The following NAV3 variants were observed in gnomAD, a reference collection of about 807,000 sequenced individuals.
NAV3 encodes neuron navigator 3.
A neutral mutation model predicts 244.7 loss-of-function variants in NAV3; 87 were observed. The observed-to-expected ratio is 0.36, with a 90% CI of 0.30 to 0.42. NAV3 has a LOEUF of 0.42. Ranked by LOEUF, NAV3 falls within the 20% of genes least tolerant of loss-of-function variation. The pLI, the probability that NAV3 is intolerant of heterozygous loss-of-function variation, is 1.00. For missense variants in NAV3, 2,663 were observed against 2,893.3 expected (o/e 0.92, Z 1.83); for synonymous variants, 1,126 against 1,042.2 (o/e 1.08, Z -1.55).
intron 2 of NAV3, among the ~76,000 whole-genome samples, chr12:77,579,895 C>T (rs1869271112): frequency 6.6e-6 from 1 of 152,188 alleles, no homozygotes; most frequent in Admixed American, 6.5e-5. Flanking sequence ...CCAGTTTTCT[C>T]ATTTGTGTTA....
intron 12 of NAV3, among the ~76,000 whole-genome samples, chr12:78,061,878 C>G (rs1437361206): frequency 1.3e-5 from 2 of 151,936 alleles, no homozygotes; most frequent in Non-Finnish European, 1.5e-5. Context: ...TTGTCTTAAC[C>G]TTTTAATCCT....
At chr12:78,071,433 C>G (rs1446281802) in intron 12 of NAV3, among the ~76,000 whole-genome samples, 1 of 151,600 alleles carries the variant, frequency 6.6e-6, no homozygotes, top group Non-Finnish European at 1.5e-5. Context: ...TGTTTGAGTT[C>G]ATTGTAGATT....
intron 2 of NAV3, among the ~76,000 whole-genome samples, chr12:77,809,859 C>T (rs1872194033): frequency 1.3e-5 from 2 of 152,044 alleles, no homozygotes; most frequent in African/African-American, 4.8e-5. Flanking sequence ...ATCAGTTTGA[C>T]CTTAGTGTTT....
At chr12:78,021,501 G>A (rs1173377237) in intron 8 of NAV3, among the ~76,000 whole-genome samples, 1 of 152,008 alleles carries the variant, frequency 6.6e-6, no homozygotes, top group African/African-American at 2.4e-5. Context: ...TCAACTATTG[G>A]TAGTTATAAG....
intron 2 of NAV3, among the ~76,000 whole-genome samples, chr12:77,741,129 G>C (rs375710693): frequency 8.6e-3 from 234 of 27,068 alleles, no homozygotes; most frequent in African/African-American, 0.024. Context: ...TTTAGAAATA[G>C]TCAAAGAAAA....
chr12:78,082,250 G>T lies in NAV3; in HGVS notation c.2636+23135G>T, dbSNP rs138916207. On this transcript the variant is annotated intron_variant, in intron 12 of 39. Coordinates refer to ENST00000397909, the MANE Select transcript of NAV3 (RefSeq NM_001024383.2). ...ACTTCTTTCCTTTATAAATTACCCA[G>T]TCTCAGGTATGTCTTTATGAGCAGC... 2.3e-3 allele frequency among the ~76,000 whole-genome samples: 348 copies of T among 152,276 alleles called. 2 individuals carry two copies. Among genetic ancestry groups the T allele is most frequent in the African/African-American group, 7.6e-3 (314 of 41,558 alleles).
At chr12:77,878,683 C>A (rs867131836) in intron 1 of NAV3, among the ~76,000 whole-genome samples, 270 of 145,860 alleles carry the variant, frequency 1.9e-3, no homozygotes, top group African/African-American at 6.2e-3. Flanking sequence ...AAAAAAAAAA[C>A]AAGGTCTTTT....
intron 2 of NAV3, among the ~76,000 whole-genome samples, chr12:77,733,806 T>C (rs930345541): frequency 3.3e-5 from 5 of 151,052 alleles, no homozygotes; most frequent in African/African-American, 9.7e-5. Flanking sequence ...TGTTTGATAA[T>C]TAGCAAGCCC....
chr12:77,810,016 A>G (rs949982320), intron 2 of NAV3, among the ~76,000 whole-genome samples: 3 of 152,254 alleles, frequency 2.0e-5, no homozygotes, highest in Non-Finnish European at 4.4e-5. Flanking sequence ...TATATATTAC[A>G]ACCAGATTCT....
intron 9 of NAV3, among the ~76,000 whole-genome samples, chr12:78,026,981 G>T (rs1328358119): frequency 6.6e-6 from 1 of 152,160 alleles, no homozygotes; most frequent in Non-Finnish European, 1.5e-5. Context: ...ATACTCAACT[G>T]AAGGGGTTGA....
chr12:77,843,237 T>C (rs1876001028), intron 1 of NAV3, among the ~76,000 whole-genome samples: 1 of 152,136 alleles, frequency 6.6e-6, no homozygotes. Context: ...TTTACTATTA[T>C]CTCCAACAAT....
intron 2 of NAV3, among the ~76,000 whole-genome samples, chr12:77,717,506 C>G (rs1210664874): frequency 6.6e-6 from 1 of 151,992 alleles, no homozygotes. Flanking sequence ...ACTACATTTT[C>G]TTTATCCACT....
intron 3 of NAV3, among the ~76,000 whole-genome samples, chr12:77,965,120 T>C (rs1313624301): frequency 6.6e-6 from 1 of 152,146 alleles, no homozygotes; most frequent in East Asian, 1.9e-4. Context: ...AATCTCTTCT[T>C]TATTGTAGAA....
chr12:77,800,554 G>T (rs1030500583), intron 2 of NAV3, among the ~76,000 whole-genome samples: 73 of 152,190 alleles, frequency 4.8e-4, no homozygotes, highest in Non-Finnish European at 4.6e-4. Context: ...AAAGAAAATA[G>T]ACATTTTGTT....
At chr12:78,138,287 C>G (rs114586772) in intron 19 of NAV3, among the ~76,000 whole-genome samples, 1,867 of 152,206 alleles carry the variant, frequency 0.012, 38 homozygotes, top group African/African-American at 0.041. Context: ...ACCTTCTTAT[C>G]CCTAAGTTCT....
chr12:77,747,020 G>T (rs964455351), intron 2 of NAV3, among the ~76,000 whole-genome samples: 5 of 152,132 alleles, frequency 3.3e-5, no homozygotes, highest in Non-Finnish European at 5.9e-5. Flanking sequence ...CTTGAAAATA[G>T]TATCTTGCTA....
At chr12:77,575,390 T>A (rs1352960588) in intron 2 of NAV3, among the ~76,000 whole-genome samples, 1 of 152,152 alleles carries the variant, frequency 6.6e-6, no homozygotes, top group Non-Finnish European at 1.5e-5. Flanking sequence ...GTCTTGTGAT[T>A]TATTTTTTCA....
At chr12:77,834,681 G>C (rs995457119) in intron 1 of NAV3, among the ~76,000 whole-genome samples, 1 of 152,140 alleles carries the variant, frequency 6.6e-6, no homozygotes, top group African/African-American at 2.4e-5. Flanking sequence ...TGATCTCTTT[G>C]GTTAGCAAAC....
chr12:77,723,915 A>C (rs1056792519), intron 2 of NAV3, among the ~76,000 whole-genome samples: 1 of 151,870 alleles, frequency 6.6e-6, no homozygotes, highest in Middle Eastern at 3.4e-3. Context: ...TGAGATTTAA[A>C]GTGATGAATA....
Sources: allele counts gnomAD v4.1 joint callset (sites outside exome capture counted in the v4.1 genomes callset), GRCh38; gene constraint gnomAD v4.1.1; transcripts MANE v1.5; gene names NCBI Gene and HGNC (gene_info 2026-07-23, HGNC 2026-07-21).